REM1: variants seen among roughly 807,000 people sequenced by gnomAD.
The protein encoded by REM1 is RRAD and GEM like GTPase 1, also known as GTP-binding protein REM 1.
Under a neutral mutation model 27.0 loss-of-function variants are expected in REM1, and 20 were observed. The ratio of observed to expected loss-of-function variants is 0.74; its 90% CI spans 0.52 to 1.08. REM1 has a LOEUF of 1.08. REM1 is among the 50% of genes least tolerant of loss of function. The pLI, the probability that REM1 is intolerant of heterozygous loss-of-function variation, is 0.00. For synonymous variants in REM1, 159 were observed against 167.9 expected (o/e 0.95, Z 0.41); for missense variants, 405 against 407.0 (o/e 1.00, Z 0.04).
intron 2 of REM1, among the ~76,000 whole-genome samples, 188 bp from the exon 3 acceptor site, chr20:31,477,640 G>A (rs1424740639): frequency 1.3e-5 from 2 of 152,108 alleles, no homozygotes; most frequent in African/African-American, 2.4e-5. Context: ...CACCTACTAT[G>A]TGCCAGGTAC....
chr20:31,483,536 C>T (rs1452275002), intron 4 of REM1, among the ~76,000 whole-genome samples: 3 of 152,076 alleles, frequency 2.0e-5, no homozygotes, highest in Admixed American at 6.5e-5. Flanking sequence ...AAATTTTAAA[C>T]GTCATATATG....
chr20:31,483,902 A>G (rs1231577522), intron 4 of REM1, among the ~76,000 whole-genome samples: 1 of 152,118 alleles, frequency 6.6e-6, no homozygotes, highest in Non-Finnish European at 1.5e-5. Context: ...CTGCATTTAA[A>G]CAAGCTCCTC....
chr20:31,480,794 C>T (rs551207285), intron 3 of REM1, among the ~76,000 whole-genome samples: 1 of 152,184 alleles, frequency 6.6e-6, no homozygotes, highest in South Asian at 2.1e-4. Context: ...AACTAAGACC[C>T]AAAGGAAGAA....
In REM1 at chr20:31,476,489, G is replaced by A. The variant is rs756161462; in HGVS notation, c.44G>A (p.Arg15Gln). Reference protein sequence around the residue: ...TEQEAKTPLHRRASTPLPLSP... With the variant: ...TEQEAKTPLHQRASTPLPLSP... The stretch of plus-strand genomic sequence containing the variant: ...CAGGAAGCAAAGACCCCTCTGCACC[G>A]GCGAGCCAGCACCCCACTGCCCCTG... Residue 15 changes from arginine to glutamine, a missense_variant, in exon 2 of 5, where the codon CGG becomes CAG. By Grantham distance (43) the Arg-to-Gln change is conservative. Coordinates refer to ENST00000201979, the MANE Select transcript of REM1 (RefSeq NM_014012.6). 18 of 1,611,738 alleles carry A rather than the reference G, an allele frequency of 1.1e-5. No homozygotes were observed. The highest frequency in any genetic ancestry group is 4.0e-5 in the African/African-American group (3 of 74,834).
intron 1 of REM1, 141 bp from the exon 2 acceptor site, chr20:31,476,086 G>A (rs892393781): frequency 6.1e-5 from 15 of 247,278 alleles, no homozygotes; most frequent in Admixed American, 2.5e-4. Flanking sequence ...GTGCATGTGA[G>A]GACATCCCAC....
intron 3 of REM1, among the ~76,000 whole-genome samples, chr20:31,480,274 CATACATACATAG>C (rs1568762940): frequency 3.4e-5 from 5 of 148,260 alleles, no homozygotes; most frequent in Non-Finnish European, 5.9e-5. Context: ...TACATACATA[CATACATACATAG>C]ATACTACAGC....
rs760417150 is a variant in REM1, at chr20:31,482,464, C to T, written c.601C>T (p.Arg201Cys). 16 of 1,614,144 alleles carry T rather than the reference C, an allele frequency of 9.9e-6. No homozygotes were observed. Among genetic ancestry groups the T allele is most frequent in the Non-Finnish European group, 1.2e-5 (14 of 1,180,028 alleles). The change falls in exon 4 of 5, where the codon CGC (arginine) becomes TGC (cysteine). Residue 201 changes from arginine (R) to cysteine (C), a missense_variant. By Grantham distance (180) the Arg-to-Cys change is radical (BLOSUM62 -3). Transcript: ENST00000201979. ...ILVGNKADLA[R>C]CREVSVEEGR... is the part of the protein sequence containing the mutation. ...CGTGGGCAACAAGGCAGACTTGGCC[C>T]GCTGCCGAGAAGTCTCTGTGGAAGG...
chr20:31,482,353 G>A lies in REM1; in HGVS notation c.490G>A (p.Ala164Thr), dbSNP rs149687528. The A allele has an allele frequency of 5.0e-5, 80 of 1,614,006 alleles. No homozygotes were observed. The African/African-American group carries it at 7.9e-4, about 16-fold the overall frequency. The change falls in exon 4 of 5, where the codon GCA (alanine) becomes ACA (threonine). Residue 164 changes from alanine (A) to threonine (T), a missense_variant. Transcript: ENST00000201979. ...GSAYVIVYSI[A>T]DRGSFESASE... The stretch of plus-strand genomic sequence containing the variant: ...TGCCTATGTCATCGTATACTCCATC[G>A]CAGACCGAGGCAGCTTTGAGAGTGC...
At chr20:31,482,888 T>A (rs566064596) in intron 4 of REM1, among the ~76,000 whole-genome samples, 2 of 152,166 alleles carry the variant, frequency 1.3e-5, no homozygotes, top group Non-Finnish European at 2.9e-5. Flanking sequence ...ATCCTAGCAC[T>A]TTGGGAGGCC....
chr20:31,479,130 C>T (rs1261460107), intron 3 of REM1, among the ~76,000 whole-genome samples: 2 of 152,192 alleles, frequency 1.3e-5, no homozygotes, highest in South Asian at 2.1e-4. Flanking sequence ...CCACCATGCC[C>T]GGCCGAGGCT....
chr20:31,476,877 T>TG, intron 2 of REM1, 92 bp downstream of exon 2: 2 of 1,048,142 alleles, frequency 1.9e-6, no homozygotes, highest in Non-Finnish European at 2.7e-6. Context: ...GTTGTACAAG[T>TG]CATGCACTGT....
intron 4 of REM1, among the ~76,000 whole-genome samples, chr20:31,483,076 G>A (rs1324324825): frequency 6.6e-6 from 1 of 152,156 alleles, no homozygotes; most frequent in East Asian, 1.9e-4. Context: ...GAGGCAAGTG[G>A]ATCACTTGAG....
chr20:31,477,721 G>A (rs567063102), intron 2 of REM1, 107 bp from the exon 3 acceptor site: 10 of 766,748 alleles, frequency 1.3e-5, no homozygotes, highest in South Asian at 7.7e-5. Flanking sequence ...AAGCGTTTCC[G>A]AGGACAAGTG....
At chr20:31,478,247 G>C (rs577564053) in intron 3 of REM1, among the ~76,000 whole-genome samples, 66 of 106,632 alleles carry the variant, frequency 6.2e-4, no homozygotes, top group Non-Finnish European at 1.0e-3. Context: ...AAATACCTAA[G>C]GCTGAACCCC....
At chr20:31,482,979 T>C (rs1980786106) in intron 4 of REM1, among the ~76,000 whole-genome samples, 1 of 152,070 alleles carries the variant, frequency 6.6e-6, no homozygotes, top group Non-Finnish European at 1.5e-5. Context: ...ACAAAAAAAA[T>C]TAAAAATAAT....
intron 3 of REM1, among the ~76,000 whole-genome samples, chr20:31,479,124 C>A (rs1250409252): frequency 6.6e-6 from 1 of 152,190 alleles, no homozygotes; most frequent in Non-Finnish European, 1.5e-5. Flanking sequence ...CATGAGCCAC[C>A]ATGCCCGGCC....
intron 3 of REM1, among the ~76,000 whole-genome samples, chr20:31,480,234 GATACATACATACACACATACATAC>G (rs1448424357): frequency 1.4e-5 from 2 of 138,182 alleles, no homozygotes; most frequent in African/African-American, 2.6e-5. Context: ...TAGATAGACA[GATACATACATACACACATACATAC>G]ATACATACAT....
chr20:31,478,089 C>T (rs900162548), intron 3 of REM1, among the ~76,000 whole-genome samples, 179 bp downstream of exon 3: 1 of 152,076 alleles, frequency 6.6e-6, no homozygotes, highest in African/African-American at 2.4e-5. Context: ...ACCCTTATGA[C>T]CCTGACCCCT....
intron 3 of REM1, 82 bp from the exon 4 acceptor site, chr20:31,482,205 C>A: frequency 1.5e-6 from 2 of 1,305,704 alleles, no homozygotes; most frequent in South Asian, 1.3e-5. Context: ...TGCATCCCAC[C>A]CATTAGACCA....
Sources: allele counts gnomAD v4.1 joint callset (sites outside exome capture counted in the v4.1 genomes callset), GRCh38; gene constraint gnomAD v4.1.1; transcripts MANE v1.5; gene names NCBI Gene and HGNC (gene_info 2026-07-23, HGNC 2026-07-21).